Variants in MACROD2 observed in about 807,000 individuals in gnomAD.
MACROD2 encodes the protein mono-ADP ribosylhydrolase 2.
MACROD2 carries 36 observed loss-of-function variants against 70.4 expected under a neutral mutation model. The ratio of observed to expected loss-of-function variants is 0.51; its 90% CI spans 0.39 to 0.68. The LOEUF (loss-of-function observed/expected upper bound fraction) is 0.68. Ranked by LOEUF, MACROD2 falls within the 30% of genes least tolerant of loss-of-function variation. The pLI is 0.00. For missense variants in MACROD2, 496 were observed against 538.4 expected, an observed-to-expected ratio of 0.92 and a Z score of 0.78; for synonymous variants, 172 against 178.8, an observed-to-expected ratio of 0.96 and a Z score of 0.30.
chr20:15,326,232 T>C (rs928380575), intron 6 of MACROD2, among the ~76,000 whole-genome samples: 6 of 152,106 alleles, frequency 3.9e-5, no homozygotes, highest in African/African-American at 1.4e-4. Flanking sequence ...ATATAATTTA[T>C]CTTTGCTAGT....
rs544576731 is a variant in MACROD2, at chr20:14,244,386, TA to T, written c.271+158669del. On this transcript the variant is annotated intron_variant, in intron 3 of 17. Transcript: ENST00000684519. ...ATCCAGTTATTTTCTGGGGTGATGC[TA>T]AAAAAAAAAACCCATATTCAGTAGT... 2.6e-3 allele frequency among the ~76,000 whole-genome samples: 369 copies of T among 144,360 alleles called. 2 individuals carry two copies. Among genetic ancestry groups the T allele is most frequent in the Middle Eastern group, 3.5e-3 (1 of 282 alleles). The allele number at this position is 144,360 out of a possible 152,430, so 94.7% of individuals were successfully genotyped here.
intron 5 of MACROD2, among the ~76,000 whole-genome samples, chr20:14,759,838 G>A (rs949412967): frequency 6.6e-5 from 10 of 152,134 alleles, no homozygotes; most frequent in Non-Finnish European, 1.5e-4. Context: ...TATATTAGTT[G>A]TCCCTTCTTT....
chr20:16,037,028 G>A (rs2067245637), intron 15 of MACROD2, among the ~76,000 whole-genome samples: 1 of 151,886 alleles, frequency 6.6e-6, no homozygotes, highest in African/African-American at 2.4e-5. Context: ...CTACAACTTT[G>A]ATTTCTGTTT....
intron 2 of MACROD2, among the ~76,000 whole-genome samples, chr20:14,007,187 T>C (rs1418880270): frequency 6.8e-6 from 1 of 146,742 alleles, no homozygotes; most frequent in Admixed American, 7.0e-5. Context: ...CAGACTTCTA[T>C]AAAGAGGAAC....
In MACROD2 at chr20:15,681,129, A is replaced by C. The variant is rs2050154349; in HGVS notation, c.645+181282A>C. ...CAATCTTCTTACCAAGGTACAGGCA[A>C]GTGTACACTTGGGTCTTGTACTCTA... On this transcript the variant is annotated intron_variant, in intron 8 of 17. Transcript: ENST00000684519. 2.0e-5 allele frequency among the ~76,000 whole-genome samples: 3 copies of C among 152,220 alleles called. No individual in the cohort carries two copies. The South Asian group carries it at 6.2e-4, about 32-fold the overall frequency.
chr20:14,824,830 A>G (rs750022424), intron 5 of MACROD2, among the ~76,000 whole-genome samples: 115 of 152,182 alleles, frequency 7.6e-4, no homozygotes, highest in Admixed American at 1.7e-3. Context: ...TGCCACATTT[A>G]AGTTCTCAGG....
intron 8 of MACROD2, among the ~76,000 whole-genome samples, chr20:15,773,405 A>T (rs539884342): frequency 1.3e-5 from 2 of 152,204 alleles, no homozygotes; most frequent in Admixed American, 6.5e-5. Flanking sequence ...CAGCTATGTC[A>T]TTTGGGGCTC....
At chr20:14,506,312 A>G (rs2084969334) in intron 4 of MACROD2, among the ~76,000 whole-genome samples, 1 of 152,180 alleles carries the variant, frequency 6.6e-6, no homozygotes, top group Non-Finnish European at 1.5e-5. Flanking sequence ...AGGAGCCACA[A>G]AAGGCCAAGA....
intron 9 of MACROD2, among the ~76,000 whole-genome samples, chr20:15,879,397 G>C (rs969835904): frequency 1.1e-4 from 16 of 151,978 alleles, no homozygotes; most frequent in Admixed American, 3.9e-4. Flanking sequence ...GCACAAATAT[G>C]ACTCAAGCAA....
At chr20:15,593,691 G>T (rs2048708582) in intron 8 of MACROD2, among the ~76,000 whole-genome samples, 1 of 152,168 alleles carries the variant, frequency 6.6e-6, no homozygotes, top group Admixed American at 6.5e-5. Context: ...GTTGAAATTG[G>T]CATTGTGTCA....
rs570366425 is a variant in MACROD2, at chr20:14,515,918, A to C, written c.301+22410A>C. Among the ~76,000 whole-genome samples the C allele has an allele frequency of 6.6e-5, 10 of 150,508 alleles. 1 individual carries two copies. In the South Asian group the frequency reaches 1.5e-3, roughly 22 times the overall value. On this transcript the variant is annotated intron_variant, in intron 4 of 17. Transcript: ENST00000684519. ...ATGTTAATTAGCTTGATCTTTCTAC[A>C]GTGTATACATAGATCAAAACATTAC...
At chr20:14,389,180 A>T (rs541254137) in intron 3 of MACROD2, among the ~76,000 whole-genome samples, 22 of 151,670 alleles carry the variant, frequency 1.5e-4, no homozygotes, top group Non-Finnish European at 2.6e-4. Flanking sequence ...GCGGCTGGCC[A>T]TCGGCCAATT....
At chr20:14,260,394 G>A (rs2082092068) in intron 3 of MACROD2, among the ~76,000 whole-genome samples, 3 of 152,198 alleles carry the variant, frequency 2.0e-5, no homozygotes. Context: ...ATAATGTCAT[G>A]TCTGCCTTTC....
intron 15 of MACROD2, among the ~76,000 whole-genome samples, chr20:16,022,858 T>C (rs1032397090): frequency 2.0e-5 from 3 of 152,200 alleles, no homozygotes; most frequent in African/African-American, 7.2e-5. Flanking sequence ...GCCAACCGAA[T>C]CATACATTGT....
chr20:14,283,954 A>G (rs1261121228), intron 3 of MACROD2, among the ~76,000 whole-genome samples: 2 of 152,242 alleles, frequency 1.3e-5, no homozygotes, highest in African/African-American at 4.8e-5. Context: ...GGAAATGCTT[A>G]CATGTTATTA....
intron 3 of MACROD2, 27 bp from the exon 4 acceptor site, chr20:14,493,452 T>A (rs773227886): frequency 7.5e-6 from 12 of 1,594,684 alleles, no homozygotes; most frequent in Non-Finnish European, 1.0e-5. Flanking sequence ...TTATTTAATG[T>A]CTTTTGTTGT....
At chr20:14,437,880 A>G (rs1266297218) in intron 3 of MACROD2, among the ~76,000 whole-genome samples, 1 of 152,290 alleles carries the variant, frequency 6.6e-6, no homozygotes, top group Non-Finnish European at 1.5e-5. Flanking sequence ...TATATAGTAA[A>G]ATTATTACTA....
intron 13 of MACROD2, among the ~76,000 whole-genome samples, chr20:15,986,289 GT>G (rs756355563): frequency 1.3e-5 from 2 of 152,132 alleles, no homozygotes; most frequent in Non-Finnish European, 2.9e-5. Flanking sequence ...CATTACTCAA[GT>G]TTTTTATGCT....
chr20:14,666,947 G>T (rs1402086354), intron 4 of MACROD2, among the ~76,000 whole-genome samples: 1 of 151,438 alleles, frequency 6.6e-6, no homozygotes, highest in Non-Finnish European at 1.5e-5. Context: ...TTGAACTGCT[G>T]TCAGGCTGCA....
Sources: gnomAD v4.1 joint callset for allele counts (sites outside exome capture counted in the v4.1 genomes callset) on GRCh38, gnomAD v4.1.1 for gene constraint, MANE v1.5 for transcripts, NCBI Gene and HGNC (gene_info 2026-07-23, HGNC 2026-07-21) for gene names.